Variants in TTN observed in about 807,000 individuals in gnomAD.
The protein encoded by TTN is titin.
Under a neutral mutation model 3,223.0 loss-of-function variants are expected in TTN, and 1,525 were observed. The ratio of observed to expected loss-of-function variants is 0.47; its 90% CI spans 0.45 to 0.49. TTN has a LOEUF of 0.49. TTN is among the 20% of genes least tolerant of loss of function. The probability of loss-of-function intolerance (pLI) is 0.00; values close to 1 mark genes in which losing one functional copy is unlikely to be tolerated. For synonymous variants in TTN, 14,094 were observed against 15,161.0 expected, an observed-to-expected ratio of 0.93 and a Z score of 5.17; for missense variants, 40,786 against 43,424.0, an observed-to-expected ratio of 0.94 and a Z score of 5.40.
Position 178,561,953 on chromosome 2 carries a change from C to T in TTN, c.84179G>A (p.Gly28060Asp), listed in dbSNP as rs758626435. Residue 28060 changes from glycine (G) to aspartate (D), a missense_variant, in exon 326 of 363, where the codon GGT becomes GAT. Transcript: ENST00000589042. Reference protein sequence around the residue: ...IIVLDRPGPPGPIRIDEVSCD... With the variant: ...IIVLDRPGPPDPIRIDEVSCD... ...ACTAACCTCATCAATACGTATAGGACCTGGAGGTCCTGGTCTGTCAAGGAC... is the reference window on the plus strand; with the variant it reads ...ACTAACCTCATCAATACGTATAGGATCTGGAGGTCCTGGTCTGTCAAGGAC... 5.0e-6 allele frequency: 8 copies of T among 1,613,042 alleles called. No homozygotes were observed. The African/African-American group carries it at 9.3e-5, about 19-fold the overall frequency.
Position 178,551,982 on chromosome 2 carries a change from T to C in TTN, c.90918A>G (p.Gly30306=), listed in dbSNP as rs1223887422. The change falls in exon 335 of 363, where the codon GGA becomes GGG. Residue 30306 remains glycine (G), a synonymous_variant. Transcript: ENST00000589042. The part of the protein sequence containing the change: ...QFRVRAENRY[G]VSQPLVSSII... ...TGCTTGAGACAAGTGGTTGGCTGAC[T>C]CCGTATCTGTTTTCTGCTCTCACTC... 2 of 1,611,778 alleles carry C rather than the reference T, an allele frequency of 1.2e-6. No individual in the cohort carries two copies. Among genetic ancestry groups the C allele is most frequent in the Admixed American group, 1.7e-5 (1 of 59,962 alleles).
At chr2:178,599,113 T>C (rs2052605960) in intron 290 of TTN, 33 bp downstream of exon 290, 2 of 1,506,216 alleles carry the variant, frequency 1.3e-6, no homozygotes, top group African/African-American at 1.4e-5. Context: ...AAAGTAAAAA[T>C]GGCTTTGTAT....
rs727504918 is a variant in TTN at position 178,531,701 on chromosome 2, C to T, written c.104914G>A (p.Glu34972Lys). The T allele has an allele frequency of 4.0e-5, 64 of 1,613,862 alleles. No individual in the cohort carries two copies. The highest frequency in any genetic ancestry group is 5.3e-5 in the Non-Finnish European group (62 of 1,179,878). ...ACACCATTGTGGTACCATTTAACCT[C>T]GGCAGTTGGCTTAGACTGAACATTT... ...ILNVQSKPTA[E>K]VKWYHNGVEL... is the part of the protein sequence containing the mutation. Residue 34972 changes from glutamate to lysine, a missense_variant, in exon 358 of 363, where the codon GAG becomes AAG. Physicochemically the swap from Glu to Lys is moderately conservative, Grantham distance 56. Coordinates refer to ENST00000589042, the MANE Select transcript of TTN (RefSeq NM_001267550.2).
rs779723670 is a variant in TTN, at chr2:178,537,792, T to C, written c.99415A>G (p.Lys33139Glu). The C allele has an allele frequency of 2.4e-5, 39 of 1,613,688 alleles. No individual in the cohort carries two copies. The highest frequency in any genetic ancestry group is 3.3e-5 in the Admixed American group (2 of 59,978). The change falls in exon 355 of 363, where the codon AAA becomes GAA. Residue 33139 changes from lysine to glutamate, a missense_variant. Physicochemically the swap from Lys to Glu is moderately conservative, Grantham distance 56. Transcript: ENST00000589042. ...LPDIKWYRFGKELIQSRKYKM... is the reference protein window; with the variant it reads ...LPDIKWYRFGEELIQSRKYKM... ...TATTTCCGGCTTTGTATGAGCTCTT[T>C]ACCAAATCTGTACCATTTAATGTCA... is the stretch of plus-strand genomic sequence containing the variant.
chr2:178,756,362 C>G lies in TTN; in HGVS notation c.11114G>C (p.Arg3705Thr). The G allele has an allele frequency of 6.2e-7, 1 of 1,613,884 alleles. No individual in the cohort carries two copies. Among genetic ancestry groups the G allele is most frequent in the South Asian group, 1.1e-5 (1 of 91,080 alleles). Residue 3705 changes from arginine to threonine, a missense_variant, in exon 46 of 363, where the codon AGA becomes ACA. Coordinates refer to ENST00000589042, the MANE Select transcript of TTN (RefSeq NM_001267550.2). ...HEGAKIEESE[R>T]LKQSQNGNIQ... The stretch of plus-strand genomic sequence containing the variant: ...ATTTCCATTTTGTGATTGTTTCAGT[C>G]TCTCGGATTCCTCTATCTTTGCACC...
chr2:178,681,768 T>C (rs1447776413), intron 135 of TTN, 30 bp from the exon 136 acceptor site: 3 of 1,521,274 alleles, frequency 2.0e-6, no homozygotes, highest in Non-Finnish European at 2.7e-6. Flanking sequence ...GTATTTCATG[T>C]TAGACTTAGA....
At position 178,704,253 on chromosome 2, in the gene TTN, T is replaced by C. The variant is rs772838964; in HGVS notation, c.30117A>G (p.Glu10039=). ...CAATGGTCAATTTATGGACTTTGTG[T>C]TCCACTTCTGTTTTATGTCTACCTT... The part of the protein sequence containing the change: ...KPQGRHKTEV[E]HKVHKLTIAD... The change falls in exon 106 of 363, where the codon GAA becomes GAG. Residue 10039 remains glutamate, a synonymous_variant. Transcript: ENST00000589042. 1.9e-6 allele frequency: 3 copies of C among 1,614,022 alleles called. No individual in the cohort carries two copies. Among genetic ancestry groups the C allele is most frequent in the East Asian group, 2.2e-5 (1 of 44,882 alleles).
At chr2:178,650,927 GGGACAGATCCAA>G (rs1296185697) in intron 208 of TTN, 93 bp from the exon 209 acceptor site, 3 of 1,319,876 alleles carry the variant, frequency 2.3e-6, no homozygotes, top group Non-Finnish European at 3.2e-6. Flanking sequence ...AAATAACCCA[GGGACAGATCCAA>G]GAACAAATTT....
Position 178,609,583 on chromosome 2 carries a change from T to C in TTN, c.51740-13A>G. 1.3e-6 allele frequency: 2 copies of C among 1,577,420 alleles called. No homozygotes were observed. Among genetic ancestry groups the C allele is most frequent in the East Asian group, 2.3e-5 (1 of 44,422 alleles). On this transcript the variant is annotated splice_polypyrimidine_tract_variant and intron_variant, in intron 272 of 362. Coordinates refer to ENST00000589042, the MANE Select transcript of TTN (RefSeq NM_001267550.2). The stretch of plus-strand genomic sequence containing the variant: ...ACTTTGGGGGCATCTATAGTGATCA[T>C]AACCAATAAATGTTTTCAATTCTGA...
In TTN at chr2:178,579,014, T is replaced by G; in HGVS notation, c.68016A>C (p.Gly22672=). 1 of 1,613,244 alleles carries G rather than the reference T, an allele frequency of 6.2e-7. No individual in the cohort carries two copies. The highest frequency in any genetic ancestry group is 8.5e-7 in the Non-Finnish European group (1 of 1,179,504). Residue 22672 remains glycine (G), a synonymous_variant, in exon 320 of 363, where the codon GGA becomes GGC. Transcript: ENST00000589042. ...GGATATAGTTGGTGATTTCAGAACCTCCATCATCCTTTGGAGGAGCCCACT... is the reference window on the plus strand; with the variant it reads ...GGATATAGTTGGTGATTTCAGAACCGCCATCATCCTTTGGAGGAGCCCACT... ...TLKWAPPKDD[G]GSEITNYILE... is the part of the protein sequence containing the mutation.
In TTN at chr2:178,550,947, A is replaced by G. The variant is rs770556280; in HGVS notation, c.91564+20T>C. ...TGTGAATGCTCTTAGTCTCATTGGA[A>G]ATAAGTTGTAAATGCTTACCATTTT... On this transcript the variant is annotated intron_variant, in intron 336 of 362. Transcript: ENST00000589042. The G allele has an allele frequency of 4.2e-5, 68 of 1,607,706 alleles. No homozygotes were observed. The highest frequency in any genetic ancestry group is 5.6e-5 in the Non-Finnish European group (66 of 1,178,000).
At chr2:178,735,466 T>A (rs1399758759) in intron 50 of TTN, 45 bp downstream of exon 50, 7 of 1,486,974 alleles carry the variant, frequency 4.7e-6, no homozygotes, top group Non-Finnish European at 6.3e-6. Flanking sequence ...TACTGAGGAT[T>A]CCTTGCAGAG....
chr2:178,688,607 A>G, intron 126 of TTN, 70 bp downstream of exon 126: 3 of 1,039,624 alleles, frequency 2.9e-6, no homozygotes, highest in East Asian at 2.4e-5. Context: ...AAACAATCAC[A>G]TGTGGAAGAA....
rs2154307118 is a variant in TTN at position 178,729,282 on chromosome 2, A to G, written c.18868+6T>C. 1.3e-6 allele frequency: 2 copies of G among 1,587,256 alleles called. No homozygotes were observed. The highest frequency in any genetic ancestry group is 2.3e-5 in the South Asian group (2 of 87,182). ...TATTTGATAGGCTGCTTCTTGTATA[A>G]CTGACCTTTCAGGGCAACTCTAGTA... On this transcript the variant is annotated splice_donor_region_variant and intron_variant, in intron 64 of 362. Coordinates refer to ENST00000589042, the MANE Select transcript of TTN (RefSeq NM_001267550.2).
In TTN at chr2:178,729,772, C is replaced by G; in HGVS notation, c.18481G>C (p.Ala6161Pro). ...KHGISFIDGL[A>P]TFQISGARVE... Reference sequence around the variant, plus strand: ...CTGGCACCAGAAATCTGGAAAGTGGCTAAACCATCAATGAAGGAAATGCCA... The same window carrying G: ...CTGGCACCAGAAATCTGGAAAGTGGGTAAACCATCAATGAAGGAAATGCCA... The change falls in exon 63 of 363, where the codon GCC becomes CCC. Residue 6161 changes from alanine (A) to proline (P), a missense_variant. Ala to Pro is a conservative substitution (Grantham distance 27). Coordinates refer to ENST00000589042, the MANE Select transcript of TTN (RefSeq NM_001267550.2). 1 of 1,613,744 alleles carries G rather than the reference C, an allele frequency of 6.2e-7. No individual in the cohort carries two copies. Among genetic ancestry groups the G allele is most frequent in the Non-Finnish European group, 8.5e-7 (1 of 1,179,734 alleles).
chr2:178,632,664 T>C lies in TTN; in HGVS notation c.43342A>G (p.Thr14448Ala), dbSNP rs773346487. ...FRWLKGTQEI[T>A]GDDRFELIKD... is the part of the protein sequence containing the mutation. ...ATAAGCTCAAATCTGTCATCACCTG[T>C]GATTTCCTGGGTTCCTTTTAGCCAA... The change falls in exon 235 of 363, where the codon ACA (threonine) becomes GCA (alanine). Residue 14448 changes from threonine (T) to alanine (A), a missense_variant. Thr to Ala is a moderately conservative substitution (Grantham distance 58). Transcript: ENST00000589042. The C allele has an allele frequency of 6.2e-7, 1 of 1,613,478 alleles. No individual in the cohort carries two copies. Among genetic ancestry groups the C allele is most frequent in the Non-Finnish European group, 8.5e-7 (1 of 1,179,558 alleles).
At position 178,552,548 on chromosome 2, in the gene TTN, C is replaced by T; in HGVS notation, c.90352G>A (p.Gly30118Arg). The change falls in exon 335 of 363, where the codon GGG (glycine) becomes AGG (arginine). Residue 30118 changes from glycine to arginine, a missense_variant. Gly to Arg is a moderately radical substitution (Grantham distance 125). Coordinates refer to ENST00000589042, the MANE Select transcript of TTN (RefSeq NM_001267550.2). ...ATAAGTTCTTTCACTGTAATTGGCC[C>T]AATAGTGACAGGATCACTCAGTCCT... ...EKGLSDPVTIGPITVKELIIT... is the reference protein window; with the variant it reads ...EKGLSDPVTIRPITVKELIIT... The T allele has an allele frequency of 2.5e-6, 4 of 1,613,716 alleles. No individual in the cohort carries two copies. Among genetic ancestry groups the T allele is most frequent in the Middle Eastern group, 1.7e-4 (1 of 6,060 alleles).
rs775822116 is a variant in TTN, at chr2:178,553,442, AAG to A, written c.89504-48_89504-47del. ...CATACAGTGAATTTTAAAAGCAAAAAAGAGTGATTTCCTGGAAGTATGCTTAT... is the reference window on the plus strand; with the variant it reads ...CATACAGTGAATTTTAAAAGCAAAAAAGTGATTTCCTGGAAGTATGCTTAT... On this transcript the variant is annotated intron_variant, in intron 334 of 362. Transcript: ENST00000589042. The A allele has an allele frequency of 3.6e-5, 56 of 1,571,434 alleles. 1 individual carries two copies. The highest frequency in any genetic ancestry group is 1.8e-4 in the South Asian group (15 of 83,108).
At chr2:178,689,664 G>T in intron 122 of TTN, 69 bp from the exon 123 acceptor site, 1 of 1,484,514 alleles carries the variant, frequency 6.7e-7, no homozygotes, top group Middle Eastern at 1.8e-4. Flanking sequence ...TTTTTTTTAA[G>T]AAAGCAGACG....
Sources: gnomAD v4.1 joint callset for allele counts on GRCh38, gnomAD v4.1.1 for gene constraint, MANE v1.5 for transcripts, NCBI Gene and HGNC (gene_info 2026-07-23, HGNC 2026-07-21) for gene names.